The following DLG2 variants were observed in gnomAD, a reference collection of about 807,000 sequenced individuals.
DLG2 encodes discs large MAGUK scaffold protein 2, also known as disks large homolog 2.
DLG2 carries 45 observed loss-of-function variants against 132.5 expected under a neutral mutation model. That is an observed-to-expected ratio of 0.34 (90% CI 0.27 to 0.44). The LOEUF (loss-of-function observed/expected upper bound fraction) is 0.44. Ranked by LOEUF, DLG2 falls within the 20% of genes least tolerant of loss-of-function variation. The pLI, the probability that DLG2 is intolerant of heterozygous loss-of-function variation, is 1.00. For missense variants in DLG2, 1,045 were observed against 1,196.9 expected (o/e 0.87, Z 1.87); for synonymous variants, 424 against 419.6 (o/e 1.01, Z -0.13).
intron 11 of DLG2, among the ~76,000 whole-genome samples, chr11:84,025,624 A>G (rs184120678): frequency 6.6e-6 from 1 of 152,190 alleles, no homozygotes; most frequent in African/African-American, 2.4e-5. Flanking sequence ...TAGAAACATG[A>G]ATGGAAACCT....
At chr11:84,562,377 C>T (rs1022896576) in intron 6 of DLG2, among the ~76,000 whole-genome samples, 9 of 152,214 alleles carry the variant, frequency 5.9e-5, no homozygotes, top group Non-Finnish European at 1.2e-4. Flanking sequence ...TCCTTCTTTG[C>T]ATGTGGATTC....
At chr11:84,317,274 T>A in intron 7 of DLG2, 1 of 1,478,512 alleles carries the variant, frequency 6.8e-7, no homozygotes, top group South Asian at 1.4e-5. Flanking sequence ...CTTTGACAGC[T>A]GCTATAAGCA....
In DLG2 at chr11:84,999,454, A is replaced by G. The variant is rs780610038; in HGVS notation, c.357+112207T>C. Among the ~76,000 whole-genome samples the G allele has an allele frequency of 1.8e-4, 27 of 152,216 alleles. 1 individual carries two copies. The highest frequency in any genetic ancestry group is 2.8e-4 in the Non-Finnish European group (19 of 68,038). On this transcript the variant is annotated intron_variant, in intron 6 of 27. Transcript: ENST00000376104. ...TTTTAGATATCCTTCACAAAAATGA[A>G]GGAAATAATCATCACTTGACGTATG... is the stretch of plus-strand genomic sequence containing the variant.
chr11:83,682,428 C>T (rs2078991492), intron 18 of DLG2: 1 of 985,228 alleles, frequency 1.0e-6, no homozygotes, highest in Non-Finnish European at 1.2e-6. Flanking sequence ...ATAAATATAT[C>T]AGCCTTAGAA....
At chr11:83,790,677 C>G in intron 17 of DLG2, 3 of 891,866 alleles carry the variant, frequency 3.4e-6, no homozygotes, top group Non-Finnish European at 5.7e-6. Context: ...CGGACCCACT[C>G]TGGGGCTCTG....
In DLG2 at chr11:84,388,718, G is replaced by A. The variant is rs774091288; in HGVS notation, c.520-137427C>T. 1.6e-4 allele frequency among the ~76,000 whole-genome samples: 25 copies of A among 151,934 alleles called. No individual in the cohort carries two copies. The Middle Eastern group carries it at 0.01, about 62-fold the overall frequency. Reference sequence around the variant, plus strand: ...TGATAAATGTGATAAAAAAGGAAACGAGGAAGAAGAGAATAAAGAAGAAAA... The same window carrying A: ...TGATAAATGTGATAAAAAAGGAAACAAGGAAGAAGAGAATAAAGAAGAAAA... On this transcript the variant is annotated intron_variant, in intron 7 of 27. Transcript: ENST00000376104.
intron 3 of DLG2, among the ~76,000 whole-genome samples, chr11:85,464,509 T>G (rs974502060): frequency 6.6e-5 from 10 of 152,116 alleles, no homozygotes; most frequent in African/African-American, 2.4e-4. Context: ...CAGGATCAGC[T>G]GAGTTACAGG....
Position 85,360,049 on chromosome 11 carries a change from C to T in DLG2, c.41-74684G>A, listed in dbSNP as rs527445841. Reference sequence around the variant, plus strand: ...ACTCAGGGCGTGTGCTGAAGCAGAGCGAAAGATTACCCACAGGCATTATAC... The same window carrying T: ...ACTCAGGGCGTGTGCTGAAGCAGAGTGAAAGATTACCCACAGGCATTATAC... On this transcript the variant is annotated intron_variant, in intron 3 of 27. Coordinates refer to ENST00000376104, the MANE Select transcript of DLG2 (RefSeq NM_001142699.3). Among the ~76,000 whole-genome samples the T allele has an allele frequency of 4.6e-5, 7 of 152,186 alleles. No homozygotes were observed. The South Asian group carries it at 8.3e-4, about 18-fold the overall frequency.
At chr11:84,694,658 C>A (rs903675111) in intron 6 of DLG2, among the ~76,000 whole-genome samples, 1 of 151,528 alleles carries the variant, frequency 6.6e-6, no homozygotes, top group African/African-American at 2.4e-5. Flanking sequence ...AAAAATCTTT[C>A]TTCCAAAACC....
At position 83,515,100 on chromosome 11, in the gene DLG2, T is replaced by C. The variant is rs529250881; in HGVS notation, c.2193+17608A>G. ...TTGATTGGAATAGTTTCAGAAGGAATGGTACCAGCTCCTCCTTGTACCTCT... is the reference window on the plus strand; with the variant it reads ...TTGATTGGAATAGTTTCAGAAGGAACGGTACCAGCTCCTCCTTGTACCTCT... On this transcript the variant is annotated intron_variant, in intron 21 of 27. Transcript: ENST00000376104. 6.7e-3 allele frequency among the ~76,000 whole-genome samples: 1,027 copies of C among 152,314 alleles called. 12 individuals carry two copies. The highest frequency in any genetic ancestry group is 0.023 in the African/African-American group (957 of 41,554).
chr11:84,801,000 G>A lies in DLG2; in HGVS notation c.358-266269C>T, dbSNP rs186639110. ...CAGGAATTCTGAGCATCTCAGCTGA[G>A]CAAGCCTGGGGAGCAGCAGGGAGAA... On this transcript the variant is annotated intron_variant, in intron 6 of 27. Transcript: ENST00000376104. 1.3e-3 allele frequency among the ~76,000 whole-genome samples: 193 copies of A among 152,286 alleles called. 2 individuals are homozygous for A. Among genetic ancestry groups the A allele is most frequent in the Admixed American group, 3.5e-3 (54 of 15,304 alleles).
chr11:84,481,512 A>G (rs1338489534), intron 7 of DLG2, among the ~76,000 whole-genome samples: 1 of 152,156 alleles, frequency 6.6e-6, no homozygotes, highest in African/African-American at 2.4e-5. Flanking sequence ...ATATGAGGTA[A>G]TTCATGTGAA....
intron 17 of DLG2, among the ~76,000 whole-genome samples, chr11:83,825,305 C>G (rs542630242): frequency 6.6e-6 from 1 of 150,796 alleles, no homozygotes; most frequent in Non-Finnish European, 1.5e-5. Context: ...CCTCAGCATC[C>G]TGAGTAGCTG....
intron 3 of DLG2, among the ~76,000 whole-genome samples, chr11:85,293,418 C>G (rs954241271): frequency 1.3e-5 from 2 of 152,110 alleles, no homozygotes; most frequent in African/African-American, 4.8e-5. Flanking sequence ...TAAAAAGGTA[C>G]TTATAAAATT....
chr11:84,149,826 C>T lies in DLG2; in HGVS notation c.624+13635G>A, dbSNP rs533174578. Among the ~76,000 whole-genome samples the T allele has an allele frequency of 7.2e-5, 11 of 152,192 alleles. No homozygotes were observed. The South Asian group carries it at 2.1e-3, about 29-fold the overall frequency. On this transcript the variant is annotated intron_variant, in intron 9 of 27. Coordinates refer to ENST00000376104, the MANE Select transcript of DLG2 (RefSeq NM_001142699.3). ...ATCTCGTGATGCAATGACATGATCT[C>T]GGCTCACTGCAGCCTCCACCTCCCG...
intron 7 of DLG2, among the ~76,000 whole-genome samples, chr11:84,426,179 G>A (rs760105197): frequency 3.3e-5 from 5 of 152,108 alleles, no homozygotes; most frequent in Admixed American, 1.3e-4. Context: ...TTGATCATGA[G>A]AAATAAATGT....
intron 6 of DLG2, among the ~76,000 whole-genome samples, chr11:84,848,289 T>G (rs1461790903): frequency 1.3e-5 from 2 of 150,554 alleles, no homozygotes; most frequent in Non-Finnish European, 1.5e-5. Flanking sequence ...AGGCCAGGAG[T>G]TCAAGACTAG....
chr11:84,181,245 G>T (rs748601251), intron 8 of DLG2, among the ~76,000 whole-genome samples: 2 of 151,730 alleles, frequency 1.3e-5, no homozygotes, highest in Non-Finnish European at 2.9e-5. Context: ...TAAGACACTT[G>T]TACTATTTGT....
chr11:84,296,137 A>C (rs529457097), intron 7 of DLG2, among the ~76,000 whole-genome samples: 1 of 152,224 alleles, frequency 6.6e-6, no homozygotes, highest in Non-Finnish European at 1.5e-5. Context: ...CAACTTGTTT[A>C]TTACTATCTT....
Sources: gnomAD v4.1 joint callset for allele counts (sites outside exome capture counted in the v4.1 genomes callset) on GRCh38, gnomAD v4.1.1 for gene constraint, MANE v1.5 for transcripts, NCBI Gene and HGNC (gene_info 2026-07-23, HGNC 2026-07-21) for gene names.